The following PRKCE variants were observed in gnomAD, a reference collection of about 807,000 sequenced individuals.
PRKCE encodes the protein protein kinase C epsilon, also known as protein kinase C epsilon type.
Under a neutral mutation model 85.4 loss-of-function variants are expected in PRKCE, and 16 were observed. That is an observed-to-expected ratio of 0.19 (90% CI 0.13 to 0.28). The LOEUF (loss-of-function observed/expected upper bound fraction) is 0.28. Ranked by LOEUF, PRKCE falls within the 10% of genes least tolerant of loss-of-function variation. PRKCE has a pLI of 1.00. For missense variants in PRKCE, 573 were observed against 975.2 expected (o/e 0.59, Z 5.49); for synonymous variants, 388 against 371.5 (o/e 1.04, Z -0.51).
At chr2:46,072,751 A>G (rs1668186430) in intron 10 of PRKCE, among the ~76,000 whole-genome samples, 1 of 152,190 alleles carries the variant, frequency 6.6e-6, no homozygotes, top group South Asian at 2.1e-4. Flanking sequence ...GAACTCCATG[A>G]GATACCTCTT....
rs1697108206 is a variant in PRKCE, at chr2:45,907,986, T to TGGGGAG, written c.412+64926_412+64931dup. On this transcript the variant is annotated intron_variant, in intron 2 of 14. Coordinates refer to ENST00000306156, the MANE Select transcript of PRKCE (RefSeq NM_005400.3). This position sits in a 1 kb window ranked among gnomAD's most constrained non-coding sequence, Gnocchi z 4.5. The stretch of plus-strand genomic sequence containing the variant: ...CTTCATCCTTTTCAAATCTCTGAAG[T>TGGGGAG]GGGGAGGGCGATTATCACCCCATTT... Among the ~76,000 whole-genome samples the TGGGGAG allele has an allele frequency of 1.3e-5, 2 of 152,078 alleles. No homozygotes were observed. Among genetic ancestry groups the TGGGGAG allele is most frequent in the African/African-American group, 4.8e-5 (2 of 41,402 alleles).
Position 46,123,214 on chromosome 2 carries a change from C to CTTTTTTTTTTTTT in PRKCE, c.1593-21862_1593-21850dup, listed in dbSNP as rs70937991. On this transcript the variant is annotated intron_variant, in intron 11 of 14. Coordinates refer to ENST00000306156, the MANE Select transcript of PRKCE (RefSeq NM_005400.3). ...AAGCTTTACAAAGGAAAACACTTGC[C>CTTTTTTTTTTTTT]TTTTTTTTTTTTTTTTTTTTTTTTT... 5.1e-4 allele frequency among the ~76,000 whole-genome samples: 14 copies of CTTTTTTTTTTTTT among 27,366 alleles called. 3 individuals carry two copies. The highest frequency in any genetic ancestry group is 2.0e-3 in the Admixed American group (3 of 1,468). 18.0% of individuals were successfully genotyped at this position (27,366 alleles called of 152,430 possible).
intron 1 of PRKCE, among the ~76,000 whole-genome samples, chr2:45,824,177 T>A (rs930797966): frequency 2.0e-5 from 3 of 152,246 alleles, no homozygotes; most frequent in Non-Finnish European, 4.4e-5. Flanking sequence ...GAATCAGGGA[T>A]AATTTGCAGG....
intron 1 of PRKCE, among the ~76,000 whole-genome samples, chr2:45,708,374 G>C (rs1203811734): frequency 1.3e-5 from 2 of 152,160 alleles, no homozygotes; most frequent in Non-Finnish European, 2.9e-5. Flanking sequence ...ATCTCATCTT[G>C]AATTCCCACA....
At chr2:45,822,711 G>A (rs956327252) in intron 1 of PRKCE, among the ~76,000 whole-genome samples, 1 of 152,200 alleles carries the variant, frequency 6.6e-6, no homozygotes, top group Non-Finnish European at 1.5e-5. Flanking sequence ...GTCCGAATCC[G>A]TGTCACTCAC....
At chr2:46,057,068 G>A (rs1247617562) in intron 10 of PRKCE, among the ~76,000 whole-genome samples, 1 of 152,158 alleles carries the variant, frequency 6.6e-6, no homozygotes, top group Non-Finnish European at 1.5e-5. Context: ...GAGTCTCAGA[G>A]CTTCTCTATG....
chr2:45,750,233 T>C (rs1201131660), intron 1 of PRKCE, among the ~76,000 whole-genome samples: 1 of 152,178 alleles, frequency 6.6e-6, no homozygotes. Flanking sequence ...TGCCAGAATA[T>C]TTTTATCACC....
chr2:46,168,369 A>T (rs7608906), intron 14 of PRKCE, among the ~76,000 whole-genome samples: 1 of 152,088 alleles, frequency 6.6e-6, no homozygotes, highest in Non-Finnish European at 1.5e-5. Flanking sequence ...TGATCAAACC[A>T]GAGGACAGCA....
chr2:46,050,750 C>T (rs1050989985), intron 10 of PRKCE, among the ~76,000 whole-genome samples: 1 of 152,134 alleles, frequency 6.6e-6, no homozygotes, highest in Non-Finnish European at 1.5e-5. Flanking sequence ...TTCTTTTTTC[C>T]CCCCCAGCCA....
rs1170933914 is a variant in PRKCE at position 46,085,736 on chromosome 2, G to GTTTTTTTTTTTTTTT, written c.1438-460_1438-459insTTTTTTTTTTTTTTT. Among the ~76,000 whole-genome samples, 4 of 104,572 alleles carry GTTTTTTTTTTTTTTT rather than the reference G, an allele frequency of 3.8e-5. 2 individuals are homozygous for GTTTTTTTTTTTTTTT. Among genetic ancestry groups the GTTTTTTTTTTTTTTT allele is most frequent in the Non-Finnish European group, 7.3e-5 (4 of 54,932 alleles). The allele number at this position is 104,572 out of a possible 152,430, so 68.6% of individuals were successfully genotyped here. A position where few individuals can be genotyped will look rare whatever the true frequency, so the allele number is the denominator to read the frequency against. ...TCACTTAATTACATCTGCAAAATCC[G>GTTTTTTTTTTTTTTT]TTTTTTTTTTTTGTTTTTGTTTTTT... On this transcript the variant is annotated intron_variant, in intron 10 of 14. Coordinates refer to ENST00000306156, the MANE Select transcript of PRKCE (RefSeq NM_005400.3).
intron 1 of PRKCE, among the ~76,000 whole-genome samples, chr2:45,700,377 C>T (rs1454446579): frequency 6.6e-6 from 1 of 151,860 alleles, no homozygotes; most frequent in African/African-American, 2.4e-5. Flanking sequence ...GGTTTTTGAG[C>T]TGGTCTAGGA....
rs536577129 is a variant in PRKCE, at chr2:46,138,039, A to G, written c.1593-7054A>G. On this transcript the variant is annotated intron_variant, in intron 11 of 14. Coordinates refer to ENST00000306156, the MANE Select transcript of PRKCE (RefSeq NM_005400.3). This position sits in a 1 kb window ranked among gnomAD's most constrained non-coding sequence, Gnocchi z 4.2. ...TTTTTGTTTTTCCCCTGAGACTATTACTGCTAGGACTTATTTCTTTCCTGC... is the reference window on the plus strand; with the variant it reads ...TTTTTGTTTTTCCCCTGAGACTATTGCTGCTAGGACTTATTTCTTTCCTGC... 7.9e-5 allele frequency among the ~76,000 whole-genome samples: 12 copies of G among 152,332 alleles called. No individual in the cohort carries two copies. The highest frequency in any genetic ancestry group is 1.2e-4 in the Non-Finnish European group (8 of 68,028).
chr2:45,904,622 T>C (rs1696833518), intron 2 of PRKCE, among the ~76,000 whole-genome samples: 1 of 152,116 alleles, frequency 6.6e-6, no homozygotes, highest in South Asian at 2.1e-4. Context: ...GCGTTGATGA[T>C]TACTAACTGG....
intron 10 of PRKCE, among the ~76,000 whole-genome samples, chr2:46,065,156 G>A (rs1667515967): frequency 6.6e-6 from 1 of 152,016 alleles, no homozygotes; most frequent in Non-Finnish European, 1.5e-5. Flanking sequence ...AGACATGGGT[G>A]GTAATGTAAT....
intron 11 of PRKCE, among the ~76,000 whole-genome samples, chr2:46,099,868 T>G (rs1671047430): frequency 6.6e-6 from 1 of 152,202 alleles, no homozygotes; most frequent in South Asian, 2.1e-4. Context: ...TGGGCTCCTT[T>G]CTGTGTGCAT....
chr2:45,749,955 G>A (rs182890841), intron 1 of PRKCE, among the ~76,000 whole-genome samples: 44 of 152,240 alleles, frequency 2.9e-4, no homozygotes, highest in Middle Eastern at 3.4e-3. Flanking sequence ...AAGGCCTTTT[G>A]GGGGGAGAAC....
At chr2:46,018,869 A>G (rs1381222760) in intron 10 of PRKCE, among the ~76,000 whole-genome samples, 1 of 152,240 alleles carries the variant, frequency 6.6e-6, no homozygotes, top group Non-Finnish European at 1.5e-5. Context: ...CGTCTCGTAG[A>G]CATTCTGCAT....
intron 1 of PRKCE, among the ~76,000 whole-genome samples, chr2:45,770,204 C>G (rs1370812252): frequency 6.6e-6 from 1 of 152,206 alleles, no homozygotes; most frequent in Non-Finnish European, 1.5e-5. Flanking sequence ...TGCTCCCCTC[C>G]TGTCCGGGGA....
At chr2:46,166,454 T>C (rs1390799080) in intron 14 of PRKCE, among the ~76,000 whole-genome samples, 4 of 152,222 alleles carry the variant, frequency 2.6e-5, no homozygotes, top group Non-Finnish European at 5.9e-5. Context: ...AGGACTCTGA[T>C]CCAGGGCTGG....
Sources: gnomAD v4.1 joint callset for allele counts (sites outside exome capture counted in the v4.1 genomes callset) on GRCh38, gnomAD v4.1.1 for gene constraint, Gnocchi (gnomAD v3.1) non-coding constraint, MANE v1.5 for transcripts, NCBI Gene and HGNC (gene_info 2026-07-23, HGNC 2026-07-21) for gene names.